Variants in DLGAP2 observed in about 807,000 individuals in gnomAD.
The protein encoded by DLGAP2 is DLG associated protein 2, also known as disks large-associated protein 2.
In DLGAP2, 26 loss-of-function variants were observed where a neutral mutation model predicts 100.3. That is an observed-to-expected ratio of 0.26 (90% CI 0.19 to 0.36). The LOEUF (loss-of-function observed/expected upper bound fraction) is 0.36, where lower values mean the gene tolerates loss of function less well. Among genes scored for constraint, DLGAP2 ranks in the 10% least tolerant of loss-of-function variants. The probability of loss-of-function intolerance (pLI) is 1.00; values close to 1 mark genes in which losing one functional copy is unlikely to be tolerated. For synonymous variants in DLGAP2, 886 were observed against 630.1 expected, an observed-to-expected ratio of 1.41 and a Z score of -6.08; for missense variants, 1,858 against 1,453.2, an observed-to-expected ratio of 1.28 and a Z score of -4.53.
chr8:924,033 C>T (rs545276410), intron 2 of DLGAP2, among the ~76,000 whole-genome samples: 1 of 152,326 alleles, frequency 6.6e-6, no homozygotes, highest in South Asian at 2.1e-4. Context: ...TGATGAATGT[C>T]ACATGACAGC....
intron 8 of DLGAP2, among the ~76,000 whole-genome samples, chr8:1,666,724 A>T (rs143544048): frequency 1.7e-3 from 258 of 152,218 alleles, no homozygotes; most frequent in Middle Eastern, 6.8e-3. Flanking sequence ...AATATGTAAC[A>T]TTATGCCTTA....
At chr8:784,621 C>T (rs1310757466) in intron 1 of DLGAP2, among the ~76,000 whole-genome samples, 1 of 152,132 alleles carries the variant, frequency 6.6e-6, no homozygotes, top group Non-Finnish European at 1.5e-5. Context: ...AGTTTTATCT[C>T]AGAATGTCAA....
intron 3 of DLGAP2, among the ~76,000 whole-genome samples, chr8:1,468,100 C>T (rs998271559): frequency 6.6e-6 from 1 of 152,232 alleles, no homozygotes; most frequent in East Asian, 1.9e-4. Flanking sequence ...TTGCCAAAGA[C>T]GTGGACCCAG....
intron 3 of DLGAP2, among the ~76,000 whole-genome samples, chr8:1,468,765 C>T (rs574659838): frequency 6.6e-6 from 1 of 151,280 alleles, no homozygotes; most frequent in East Asian, 1.9e-4. Flanking sequence ...GAGGCATGGG[C>T]AGAGCTGCAC....
intron 3 of DLGAP2, among the ~76,000 whole-genome samples, chr8:1,379,918 G>A (rs559131846): frequency 6.8e-6 from 1 of 147,518 alleles, no homozygotes; most frequent in South Asian, 2.3e-4. Flanking sequence ...GTGGGGGCCT[G>A]ATTTTGGGGT....
In DLGAP2 at chr8:1,342,702, T is replaced by A. The variant is rs551918032; in HGVS notation, c.106+83819T>A. On this transcript the variant is annotated intron_variant, in intron 3 of 14. Coordinates refer to ENST00000637795, the MANE Select transcript of DLGAP2 (RefSeq NM_001346810.2). ...TAACTTTATATTCCTCTCTTAACATTAATTGAAAATGACTAAGCAGAACTT... is the reference window on the plus strand; with the variant it reads ...TAACTTTATATTCCTCTCTTAACATAAATTGAAAATGACTAAGCAGAACTT... Among the ~76,000 whole-genome samples, 9 of 152,334 alleles carry A rather than the reference T, an allele frequency of 5.9e-5. No homozygotes were observed. The East Asian group carries it at 1.5e-3, about 26-fold the overall frequency.
At chr8:1,511,982 A>G (rs1800181017) in intron 4 of DLGAP2, among the ~76,000 whole-genome samples, 2 of 152,216 alleles carry the variant, frequency 1.3e-5, no homozygotes, top group African/African-American at 4.8e-5. Context: ...TTGGTATTGG[A>G]TGAATACTAG....
intron 1 of DLGAP2, among the ~76,000 whole-genome samples, chr8:816,017 AAGAGT>A (rs1234108699): frequency 1.3e-5 from 2 of 152,178 alleles, no homozygotes; most frequent in African/African-American, 4.8e-5. Context: ...TATCTGATAT[AAGAGT>A]AGTTACTCCT....
chr8:1,341,512 TG>T (rs1355886851), intron 3 of DLGAP2, among the ~76,000 whole-genome samples: 1 of 152,216 alleles, frequency 6.6e-6, no homozygotes, highest in African/African-American at 2.4e-5. Context: ...GCCTACAGTA[TG>T]GGCTGGATGA....
rs370547353 is a variant in DLGAP2, at chr8:1,317,123, G to A, written c.106+58240G>A. Among the ~76,000 whole-genome samples the A allele has an allele frequency of 2.3e-4, 31 of 134,948 alleles. 1 individual carries two copies. Among genetic ancestry groups the A allele is most frequent in the Admixed American group, 5.4e-4 (7 of 12,874 alleles). The allele number at this position is 134,948 out of a possible 152,430, so 88.5% of individuals were successfully genotyped here. On this transcript the variant is annotated intron_variant, in intron 3 of 14. Transcript: ENST00000637795. ...AAAATAGAGCCTGTGCGAGTGCAGC[G>A]TCTCTCCAACAGTGGTCTACACTGG...
At chr8:1,202,606 C>G (rs1232165858) in intron 2 of DLGAP2, among the ~76,000 whole-genome samples, 1 of 152,170 alleles carries the variant, frequency 6.6e-6, no homozygotes, top group Admixed American at 6.5e-5. Context: ...GAGGCCGTAA[C>G]ACGGGACAGT....
At chr8:1,078,582 C>A (rs960313815) in intron 2 of DLGAP2, among the ~76,000 whole-genome samples, 3 of 135,164 alleles carry the variant, frequency 2.2e-5, no homozygotes, top group Non-Finnish European at 5.0e-5. Context: ...TCTCCTCTAA[C>A]CCCTAGCAAA....
intron 3 of DLGAP2, among the ~76,000 whole-genome samples, chr8:1,329,776 C>T (rs866187493): frequency 6.6e-6 from 1 of 152,180 alleles, no homozygotes; most frequent in Non-Finnish European, 1.5e-5. Flanking sequence ...TGCCTGAGCC[C>T]AAGTTAGCAC....
intron 4 of DLGAP2, among the ~76,000 whole-genome samples, chr8:1,508,734 G>T (rs920638785): frequency 6.6e-6 from 1 of 150,892 alleles, no homozygotes; most frequent in Admixed American, 6.6e-5. Flanking sequence ...AATGAACCCA[G>T]TGCCCGCAGG....
intron 1 of DLGAP2, among the ~76,000 whole-genome samples, chr8:873,601 A>T (rs964248911): frequency 1.3e-5 from 2 of 152,052 alleles, no homozygotes; most frequent in Non-Finnish European, 2.9e-5. Context: ...GGATTTTTTA[A>T]TCTATATTTA....
chr8:1,592,398 GCC>G (rs1796318843), intron 6 of DLGAP2, among the ~76,000 whole-genome samples: 1 of 151,962 alleles, frequency 6.6e-6, no homozygotes, highest in Admixed American at 6.6e-5. Context: ...CCTGACGTGT[GCC>G]TCTGGCCCCC....
In DLGAP2 at chr8:828,641, A is replaced by T. The variant is rs138520771; in HGVS notation, c.19-79271A>T. ...ATATGCATCCTTCTCGGCTGACAGG[A>T]TTAAGAGATTAAAGTAAAGACAGGC... On this transcript the variant is annotated intron_variant, in intron 1 of 14. Coordinates refer to ENST00000637795, the MANE Select transcript of DLGAP2 (RefSeq NM_001346810.2). 5.6e-3 allele frequency among the ~76,000 whole-genome samples: 855 copies of T among 152,312 alleles called. 7 individuals carry two copies. Among genetic ancestry groups the T allele is most frequent in the African/African-American group, 0.02 (816 of 41,564 alleles).
At chr8:749,877 C>T (rs1015423991) in intron 1 of DLGAP2, among the ~76,000 whole-genome samples, 6 of 152,194 alleles carry the variant, frequency 3.9e-5, no homozygotes, top group Admixed American at 1.3e-4. Context: ...CCTCTCCTGG[C>T]TTCTGATGGC....
chr8:1,047,313 A>G (rs757175696), intron 2 of DLGAP2, among the ~76,000 whole-genome samples: 2 of 152,348 alleles, frequency 1.3e-5, no homozygotes, highest in East Asian at 1.9e-4. Context: ...ATACAGGTTG[A>G]GTATCTCTTA....
Sources: allele counts gnomAD v4.1 joint callset (sites outside exome capture counted in the v4.1 genomes callset), GRCh38; gene constraint gnomAD v4.1.1; transcripts MANE v1.5; gene names NCBI Gene and HGNC (gene_info 2026-07-23, HGNC 2026-07-21).